ESRRG: variants seen among roughly 807,000 people sequenced by gnomAD.
ESRRG encodes the protein estrogen-related receptor gamma.
ESRRG carries 13 observed loss-of-function variants against 44.0 expected under a neutral mutation model. The ratio of observed to expected loss-of-function variants is 0.30; its 90% CI spans 0.19 to 0.47. The LOEUF (loss-of-function observed/expected upper bound fraction) is 0.47, where lower values mean the gene tolerates loss of function less well. Among genes scored for constraint, ESRRG ranks in the 20% least tolerant of loss-of-function variants. The probability of loss-of-function intolerance (pLI) is 1.00; values close to 1 mark genes in which losing one functional copy is unlikely to be tolerated. For synonymous variants in ESRRG, 215 were observed against 214.6 expected (o/e 1.00, Z -0.02); for missense variants, 395 against 580.6 (o/e 0.68, Z 3.29).
At position 216,785,393 on chromosome 1, in the gene ESRRG, G is replaced by A. The variant is rs184976321; in HGVS notation, c.-13-107902C>T. ...AATAGACACGCAGCTTGCACCATCA[G>A]CAAAATGTCAAGCACTGCGAGGTAA... On this transcript the variant is annotated intron_variant, in intron 2 of 7. Transcript: ENST00000359162. Among the ~76,000 whole-genome samples the A allele has an allele frequency of 6.6e-5, 10 of 152,128 alleles. No individual in the cohort carries two copies. In the East Asian group the frequency reaches 1.7e-3, roughly 27 times the overall value.
At chr1:217,121,642 T>G (rs2102499742) in intron 1 of ESRRG, among the ~76,000 whole-genome samples, 1 of 152,310 alleles carries the variant, frequency 6.6e-6, no homozygotes, top group Admixed American at 6.5e-5. Flanking sequence ...CACCACCCTG[T>G]TCTCTGGACA....
chr1:217,026,912 C>CAGAGAGAGAGAGAGAG (rs71163786), intron 1 of ESRRG, among the ~76,000 whole-genome samples: 33 of 93,454 alleles, frequency 3.5e-4, no homozygotes, highest in Admixed American at 8.5e-4. Context: ...CACACACACA[C>CAGAGAGAGAGAGAGAG]AGAGAGAGAG....
intron 1 of ESRRG, among the ~76,000 whole-genome samples, chr1:217,072,456 T>C (rs563786477): frequency 1.3e-5 from 2 of 152,348 alleles, no homozygotes; most frequent in South Asian, 4.1e-4. Context: ...TTATTTTGTG[T>C]TAATCACTGG....
intron 1 of ESRRG, among the ~76,000 whole-genome samples, chr1:217,074,318 G>T: frequency 6.6e-6 from 1 of 151,274 alleles, no homozygotes. Flanking sequence ...CAGAGTGCTG[G>T]GATTACAGGC....
intron 2 of ESRRG, among the ~76,000 whole-genome samples, chr1:216,939,421 C>T (rs1445832399): frequency 1.4e-5 from 2 of 142,250 alleles, no homozygotes; most frequent in Non-Finnish European, 3.0e-5. Context: ...AGGCAGAATG[C>T]GGAAAACATT....
At chr1:216,990,957 A>G (rs1232123114) in intron 1 of ESRRG, among the ~76,000 whole-genome samples, 1 of 151,868 alleles carries the variant, frequency 6.6e-6, no homozygotes, top group East Asian at 1.9e-4. Context: ...ACCCCACCCC[A>G]TATACATCCA....
intron 2 of ESRRG, among the ~76,000 whole-genome samples, chr1:216,791,971 T>G (rs965866387): frequency 6.6e-6 from 1 of 152,192 alleles, no homozygotes; most frequent in African/African-American, 2.4e-5. Flanking sequence ...TGCCATCAAG[T>G]AGATTTTCTC....
intron 3 of ESRRG, among the ~76,000 whole-genome samples, chr1:216,597,596 G>C (rs2058626722): frequency 6.6e-6 from 1 of 152,202 alleles, no homozygotes; most frequent in East Asian, 1.9e-4. Flanking sequence ...ATGCTTCCCA[G>C]TCACATGTTG....
chr1:216,771,428 T>A (rs1024685162), intron 2 of ESRRG, among the ~76,000 whole-genome samples: 1 of 152,150 alleles, frequency 6.6e-6, no homozygotes, highest in African/African-American at 2.4e-5. Context: ...GTAAAATATG[T>A]AGAACAAGGA....
chr1:216,589,188 A>C (rs2149961954), intron 3 of ESRRG, among the ~76,000 whole-genome samples: 1 of 152,270 alleles, frequency 6.6e-6, no homozygotes, highest in Admixed American at 6.5e-5. Context: ...TACTGCTGTA[A>C]ACTTGAGCCA....
intron 2 of ESRRG, 49 bp downstream of exon 2, chr1:216,677,027 A>G (rs780630335): frequency 4.9e-6 from 7 of 1,431,772 alleles, no homozygotes; most frequent in Admixed American, 1.8e-5. Context: ...ACAAAAACCC[A>G]TCATGTGAGG....
At chr1:216,561,074 A>G (rs2058635867) in intron 5 of ESRRG, among the ~76,000 whole-genome samples, 1 of 152,154 alleles carries the variant, frequency 6.6e-6, no homozygotes, top group South Asian at 2.1e-4. Context: ...GTCATGTTTC[A>G]TAACAACACA....
At chr1:216,936,576 A>G (rs1428443448) in intron 2 of ESRRG, 1 of 152,148 alleles carries the variant, frequency 6.6e-6, no homozygotes, top group African/African-American at 2.4e-5. Flanking sequence ...TTTATGTAAA[A>G]CAATTTTAAA....
At chr1:216,848,029 T>A (rs1370350365) in intron 2 of ESRRG, among the ~76,000 whole-genome samples, 1 of 152,166 alleles carries the variant, frequency 6.6e-6, no homozygotes, top group Admixed American at 6.6e-5. Context: ...TGTGGGAGGC[T>A]GTCCTGTGCA....
intron 3 of ESRRG, among the ~76,000 whole-genome samples, chr1:216,605,349 C>A (rs944180077): frequency 4.6e-5 from 7 of 151,732 alleles, no homozygotes; most frequent in Non-Finnish European, 7.4e-5. Context: ...ACATATGGAG[C>A]AGTTTGCAAA....
chr1:216,520,223 C>T (rs1468431763), intron 5 of ESRRG, among the ~76,000 whole-genome samples: 3 of 152,186 alleles, frequency 2.0e-5, no homozygotes, highest in Middle Eastern at 3.4e-3. Flanking sequence ...GGCTCTTTCA[C>T]CTTGAGCAAG....
intron 4 of ESRRG, among the ~76,000 whole-genome samples, chr1:216,565,620 C>A (rs536304028): frequency 6.6e-6 from 1 of 152,090 alleles, no homozygotes; most frequent in East Asian, 1.9e-4. Flanking sequence ...TCTAACATAA[C>A]ATTTAAACAT....
At chr1:216,991,778 C>T (rs1004620816) in intron 1 of ESRRG, among the ~76,000 whole-genome samples, 2 of 152,108 alleles carry the variant, frequency 1.3e-5, no homozygotes, top group Non-Finnish European at 2.9e-5. Flanking sequence ...GAATAGGCCT[C>T]TGAATCCAAG....
intron 3 of ESRRG, among the ~76,000 whole-genome samples, chr1:216,603,736 C>T (rs561701264): frequency 4.6e-5 from 7 of 152,196 alleles, no homozygotes; most frequent in African/African-American, 7.2e-5. Context: ...CAAGACCAGC[C>T]TGGCCAACAT....
Sources: allele counts gnomAD v4.1 joint callset (sites outside exome capture counted in the v4.1 genomes callset), GRCh38; gene constraint gnomAD v4.1.1; transcripts MANE v1.5; gene names NCBI Gene and HGNC (gene_info 2026-07-23, HGNC 2026-07-21).